Variants in MARCHF1 observed in about 807,000 individuals in gnomAD.
MARCHF1 encodes the protein E3 ubiquitin-protein ligase MARCHF1.
Under a neutral mutation model 54.2 loss-of-function variants are expected in MARCHF1, and 40 were observed. The ratio of observed to expected loss-of-function variants is 0.74; its 90% CI spans 0.57 to 0.96. MARCHF1 has a LOEUF of 0.96. MARCHF1 is among the 40% of genes least tolerant of loss of function. The pLI, the probability that MARCHF1 is intolerant of heterozygous loss-of-function variation, is 0.00. For missense variants in MARCHF1, 586 were observed against 656.5 expected, an observed-to-expected ratio of 0.89 and a Z score of 1.17; for synonymous variants, 236 against 236.3, an observed-to-expected ratio of 1.00 and a Z score of 0.01.
intron 2 of MARCHF1, among the ~76,000 whole-genome samples, chr4:164,003,185 A>T (rs1334270088): frequency 3.3e-5 from 5 of 151,984 alleles, no homozygotes; most frequent in African/African-American, 1.2e-4. Flanking sequence ...GGAAATCACC[A>T]TAAAAAATTA....
intron 3 of MARCHF1, among the ~76,000 whole-genome samples, chr4:163,893,976 A>G (rs1301800605): frequency 6.6e-6 from 1 of 152,178 alleles, no homozygotes; most frequent in Non-Finnish European, 1.5e-5. Flanking sequence ...GCATAGGAAC[A>G]CTGGATGTTC....
chr4:163,805,361 C>T (rs1748197023), intron 4 of MARCHF1, among the ~76,000 whole-genome samples: 1 of 134,554 alleles, frequency 7.4e-6, no homozygotes, highest in African/African-American at 2.6e-5. Context: ...TAAAATATTT[C>T]ACTGTCTCTA....
intron 2 of MARCHF1, among the ~76,000 whole-genome samples, chr4:164,092,661 C>T (rs1320310178): frequency 6.6e-6 from 1 of 152,116 alleles, no homozygotes; most frequent in Non-Finnish European, 1.5e-5. Flanking sequence ...CAGAGTTCTT[C>T]ATTTCCAAGG....
chr4:163,560,357 G>C (rs1227750864), intron 8 of MARCHF1, among the ~76,000 whole-genome samples: 1 of 152,092 alleles, frequency 6.6e-6, no homozygotes, highest in Non-Finnish European at 1.5e-5. Context: ...TCTATTGCTG[G>C]ATTGTCTATT....
At chr4:163,758,695 A>G (rs142059585) in intron 4 of MARCHF1, among the ~76,000 whole-genome samples, 43 of 152,344 alleles carry the variant, frequency 2.8e-4, no homozygotes, top group African/African-American at 9.9e-4. Flanking sequence ...GATGAAATGA[A>G]TAATGAAATG....
intron 3 of MARCHF1, among the ~76,000 whole-genome samples, chr4:163,935,546 C>A (rs2110734104): frequency 1.3e-5 from 2 of 152,262 alleles, no homozygotes; most frequent in Middle Eastern, 6.8e-3. Context: ...CTTTCTTCTG[C>A]AGCTTCCTCA....
intron 4 of MARCHF1, among the ~76,000 whole-genome samples, chr4:163,705,345 G>GA (rs890525659): frequency 1.4e-4 from 21 of 149,596 alleles, no homozygotes; most frequent in Non-Finnish European, 2.4e-4. Flanking sequence ...AAACCAGTAG[G>GA]AAAAAAAAAG....
chr4:163,839,066 G>T (rs1046562522), intron 4 of MARCHF1, among the ~76,000 whole-genome samples: 1 of 152,012 alleles, frequency 6.6e-6, no homozygotes, highest in Non-Finnish European at 1.5e-5. Context: ...ATAGAAAGTT[G>T]AATAGACATT....
At chr4:164,253,628 A>G (rs904286180) in intron 1 of MARCHF1, among the ~76,000 whole-genome samples, 3 of 152,232 alleles carry the variant, frequency 2.0e-5, no homozygotes, top group Admixed American at 2.0e-4. Context: ...ATATTTTCCT[A>G]TATTTGTTTA....
intron 1 of MARCHF1, among the ~76,000 whole-genome samples, chr4:164,132,651 C>A (rs922043709): frequency 1.3e-5 from 2 of 152,138 alleles, no homozygotes; most frequent in African/African-American, 4.8e-5. Context: ...CTGTTCTCCA[C>A]TGACCATCGA....
At chr4:164,077,176 A>G (rs1459423805) in intron 2 of MARCHF1, among the ~76,000 whole-genome samples, 1 of 152,178 alleles carries the variant, frequency 6.6e-6, no homozygotes, top group Non-Finnish European at 1.5e-5. Flanking sequence ...TGGTACCAAA[A>G]CAGATATATA....
chr4:163,886,073 G>GAT (rs1553960870), intron 3 of MARCHF1, among the ~76,000 whole-genome samples: 4 of 147,674 alleles, frequency 2.7e-5, no homozygotes, highest in African/African-American at 9.9e-5. Flanking sequence ...TCTATATATA[G>GAT]ATATATATAT....
At position 164,334,008 on chromosome 4, in the gene MARCHF1, G is replaced by A. The variant is rs751583775; in HGVS notation, c.-323+49862C>T. On this transcript the variant is annotated intron_variant, in intron 1 of 9. Transcript: ENST00000514618. ...ATGGCCCTGATTCTCTCCAATTCAT[G>A]AAGGTTGAGAAGCATGAGAAAGCTG... 3.9e-5 allele frequency among the ~76,000 whole-genome samples: 6 copies of A among 152,182 alleles called. 1 individual carries two copies. The highest frequency in any genetic ancestry group is 3.3e-4 in the Admixed American group (5 of 15,278).
At chr4:164,003,366 T>A (rs1753223214) in intron 2 of MARCHF1, among the ~76,000 whole-genome samples, 1 of 152,034 alleles carries the variant, frequency 6.6e-6, no homozygotes, top group Non-Finnish European at 1.5e-5. Context: ...GTAAATGGTA[T>A]AAACACACCA....
At chr4:163,796,586 A>G (rs950256966) in intron 4 of MARCHF1, among the ~76,000 whole-genome samples, 6 of 152,046 alleles carry the variant, frequency 3.9e-5, no homozygotes, top group African/African-American at 1.2e-4. Flanking sequence ...GCACAACACT[A>G]TATTTATTTT....
At chr4:164,291,301 T>C (rs1734277657) in intron 1 of MARCHF1, among the ~76,000 whole-genome samples, 1 of 152,014 alleles carries the variant, frequency 6.6e-6, no homozygotes, top group African/African-American at 2.4e-5. Context: ...TTTAGCTACA[T>C]GCAATTAAAA....
intron 4 of MARCHF1, among the ~76,000 whole-genome samples, chr4:163,804,266 C>T (rs1275989414): frequency 6.6e-6 from 1 of 152,174 alleles, no homozygotes; most frequent in Non-Finnish European, 1.5e-5. Flanking sequence ...TTTTAAAAAG[C>T]AAGCACACCA....
intron 1 of MARCHF1, among the ~76,000 whole-genome samples, chr4:164,305,539 A>T (rs1409066614): frequency 6.6e-6 from 1 of 152,152 alleles, no homozygotes; most frequent in Non-Finnish European, 1.5e-5. Flanking sequence ...TCTCATTCTA[A>T]AACTCTTAAG....
intron 1 of MARCHF1, among the ~76,000 whole-genome samples, chr4:164,230,880 T>A (rs113032995): frequency 1.2e-3 from 190 of 152,300 alleles, no homozygotes; most frequent in African/African-American, 4.3e-3. Flanking sequence ...CAGTATACTG[T>A]TTTCTGAGAC....
Sources: allele counts gnomAD v4.1 joint callset (sites outside exome capture counted in the v4.1 genomes callset), GRCh38; gene constraint gnomAD v4.1.1; transcripts MANE v1.5; gene names NCBI Gene and HGNC (gene_info 2026-07-23, HGNC 2026-07-21).